IL17RC: variants seen among roughly 807,000 people sequenced by gnomAD.
IL17RC encodes the protein interleukin-17 receptor C.
A neutral mutation model predicts 86.7 loss-of-function variants in IL17RC; 53 were observed. That is an observed-to-expected ratio of 0.61 (90% confidence interval 0.49 to 0.77). The LOEUF (loss-of-function observed/expected upper bound fraction) is 0.77, where lower values mean the gene tolerates loss of function less well. IL17RC is among the 30% of genes least tolerant of loss of function. The probability of loss-of-function intolerance (pLI) is 0.00; values close to 1 mark genes in which losing one functional copy is unlikely to be tolerated. For synonymous variants in IL17RC, 439 were observed against 413.1 expected (o/e 1.06, Z -0.76); for missense variants, 957 against 940.0 (o/e 1.02, Z -0.24).
At chr3:9,924,710 T>C (rs1218861949) in intron 9 of IL17RC, among the ~76,000 whole-genome samples, 2 of 152,202 alleles carry the variant, frequency 1.3e-5, no homozygotes, top group Non-Finnish European at 2.9e-5. Flanking sequence ...ATCTGTAAAA[T>C]GGGAATAATA....
At position 9,930,333 on chromosome 3, in the gene IL17RC, G is replaced by T; in HGVS notation, c.1279-67G>T. Reference sequence around the variant, plus strand: ...CTCTACCTCATTCTACCCAGCTGTAGCCTGGTAGGTGCTGCCCTAAGGGTG... The same window carrying T: ...CTCTACCTCATTCTACCCAGCTGTATCCTGGTAGGTGCTGCCCTAAGGGTG... On this transcript the variant is annotated intron_variant, in intron 14 of 18. Transcript: ENST00000403601. This position sits in a 1 kb window ranked among gnomAD's most constrained non-coding sequence, Gnocchi z 5.8. The T allele has an allele frequency of 1.9e-6, 3 of 1,585,778 alleles. No individual in the cohort carries two copies. Among genetic ancestry groups the T allele is most frequent in the Non-Finnish European group, 2.6e-6 (3 of 1,155,638 alleles).
intron 16 of IL17RC, among the ~76,000 whole-genome samples, chr3:9,931,468 CACATAT>C (rs1230018849): frequency 5.6e-4 from 10 of 17,928 alleles, no homozygotes; most frequent in Non-Finnish European, 1.0e-3. Context: ...CACACACACA[CACATAT>C]ATATATATAT....
intron 9 of IL17RC, among the ~76,000 whole-genome samples, chr3:9,927,644 A>G (rs7627880): frequency 0.48 from 72,792 of 151,928 alleles, 18,006 homozygotes; most frequent in East Asian, 0.87. Flanking sequence ...GCACTCATTA[A>G]AAGTCTGTTG....
At chr3:9,927,639 C>T (rs2125242660) in intron 9 of IL17RC, among the ~76,000 whole-genome samples, 1 of 152,014 alleles carries the variant, frequency 6.6e-6, no homozygotes, top group Non-Finnish European at 1.5e-5. Context: ...GGTAGGCACT[C>T]ATTAAAAGTC....
Position 9,933,219 on chromosome 3 carries a change from G to A in IL17RC, c.1789G>A (p.Val597Met). The change falls in exon 19 of 19, where the codon GTG becomes ATG. Residue 597 changes from valine (V) to methionine (M), a missense_variant. Transcript: ENST00000403601. ...GTGCAGCGAGTGGCTACAGGATGGGGTGTCCGGGCCCGGGGCGCACGGCCC... is the reference window on the plus strand; with the variant it reads ...GTGCAGCGAGTGGCTACAGGATGGGATGTCCGGGCCCGGGGCGCACGGCCC... ...ALCSEWLQDG[V>M]SGPGAHGPHD... The A allele has an allele frequency of 6.2e-7, 1 of 1,607,636 alleles. No homozygotes were observed. The highest frequency in any genetic ancestry group is 8.5e-7 in the Non-Finnish European group (1 of 1,177,682).
Position 9,923,928 on chromosome 3 carries a change from G to C in IL17RC, c.670G>C (p.Val224Leu). 1 of 1,614,176 alleles carries C rather than the reference G, an allele frequency of 6.2e-7. No individual in the cohort carries two copies. Among genetic ancestry groups the C allele is most frequent in the African/African-American group, 1.3e-5 (1 of 75,042 alleles). ...VSADGDNVHL[V>L]LNVSEEQHFG... is the part of the protein sequence containing the mutation. ...AGCAGATGGTGACAACGTGCATCTG[G>C]TTCTGAATGTCTCTGAGGAGCAGCA... Residue 224 changes from valine to leucine, a missense_variant, in exon 8 of 19, where the codon GTT (valine) becomes CTT (leucine). By Grantham distance (32) the Val-to-Leu change is conservative. Coordinates refer to ENST00000403601, the MANE Select transcript of IL17RC (RefSeq NM_153460.4).
Position 9,930,274 on chromosome 3 carries a change from A to T in IL17RC, c.1278+125A>T, listed in dbSNP as rs868334189. ...ATGGGGGGTGACTCAGACCAGGGCC[A>T]TATTCAGCGGCATCACCAAAGTCTC... On this transcript the variant is annotated intron_variant, in intron 14 of 18. Coordinates refer to ENST00000403601, the MANE Select transcript of IL17RC (RefSeq NM_153460.4). This position sits in a 1 kb window ranked among gnomAD's most constrained non-coding sequence, Gnocchi z 5.8. 32 of 1,528,046 alleles carry T rather than the reference A, an allele frequency of 2.1e-5. No homozygotes were observed. The South Asian group carries it at 3.4e-4, about 16-fold the overall frequency. 94.7% of individuals were successfully genotyped at this position (1,528,046 alleles called of 1,614,324 possible). A position where few individuals can be genotyped will look rare whatever the true frequency, so the allele number is the denominator to read the frequency against.
intron 3 of IL17RC, 70 bp downstream of exon 3, chr3:9,918,145 G>C: frequency 6.7e-7 from 1 of 1,498,464 alleles, no homozygotes; most frequent in African/African-American, 1.4e-5. Context: ...GAGGGCCAGG[G>C]GATCTCTCAA....
At chr3:9,921,413 C>T (rs932223169) in intron 7 of IL17RC, among the ~76,000 whole-genome samples, 6 of 152,074 alleles carry the variant, frequency 3.9e-5, no homozygotes, top group African/African-American at 1.4e-4. Context: ...TGAGACTGCA[C>T]CATTGCACAC....
In IL17RC at chr3:9,920,559, G is replaced by T; in HGVS notation, c.534G>T (p.Gln178His). Residue 178 changes from glutamine to histidine, a missense_variant, in exon 6 of 19, where the codon CAG becomes CAT. Gln to His is a conservative substitution (Grantham distance 24, BLOSUM62 0). Transcript: ENST00000403601. Reference sequence around the variant, plus strand: ...AGGTACGAATCTGGTCCTATACTCAGCCCAGGTACGAGAAGGAACTCAACC... The same window carrying T: ...AGGTACGAATCTGGTCCTATACTCATCCCAGGTACGAGAAGGAACTCAACC... ...GSEVRIWSYT[Q>H]PRYEKELNHT... is the part of the protein sequence containing the mutation. The T allele has an allele frequency of 6.2e-7, 1 of 1,608,564 alleles. No homozygotes were observed. The highest frequency in any genetic ancestry group is 8.5e-7 in the Non-Finnish European group (1 of 1,176,978).
At chr3:9,918,175 G>C in intron 3 of IL17RC, 100 bp downstream of exon 3, 1 of 1,392,604 alleles carries the variant, frequency 7.2e-7, no homozygotes. Flanking sequence ...GGCATCCTCA[G>C]TGTTCTCCTG....
intron 16 of IL17RC, among the ~76,000 whole-genome samples, chr3:9,931,599 C>T (rs1469101909): frequency 1.6e-4 from 24 of 151,160 alleles, no homozygotes; most frequent in Admixed American, 6.6e-4. Flanking sequence ...CTCTGCCTCC[C>T]GGGTTCAAGC....
At chr3:9,922,538 G>A (rs541997973) in intron 7 of IL17RC, among the ~76,000 whole-genome samples, 2 of 152,230 alleles carry the variant, frequency 1.3e-5, no homozygotes, top group African/African-American at 2.4e-5. Context: ...TAATTTCTGT[G>A]TACCAGGCAA....
chr3:9,932,658 G>A lies in IL17RC; in HGVS notation c.1438G>A (p.Ala480Thr). ...LVWLACLLFA[A>T]ALSLILLLKK... The stretch of plus-strand genomic sequence containing the variant: ...GTGGCTGGCCTGCCTACTCTTTGCC[G>A]CTGCGCTTTCCCTCATCCTCCTTCT... Residue 480 changes from alanine (A) to threonine (T), a missense_variant, in exon 17 of 19, where the codon GCT becomes ACT. Transcript: ENST00000403601. The A allele has an allele frequency of 1.2e-6, 2 of 1,614,116 alleles. No homozygotes were observed. Among genetic ancestry groups the A allele is most frequent in the Non-Finnish European group, 1.7e-6 (2 of 1,180,026 alleles).
In IL17RC at chr3:9,929,862, C is replaced by G; in HGVS notation, c.1121C>G (p.Ser374Trp). Reference sequence around the variant, plus strand: ...GTCTCTTCCCAGCAGGTGAACAGCTCGGAGAAGCTGCAGCTGCAGGAGTGC... The same window carrying G: ...GTCTCTTCCCAGCAGGTGAACAGCTGGGAGAAGCTGCAGCTGCAGGAGTGC... Reference protein sequence around the residue: ...HPNLCVQVNSSEKLQLQECLW... With the variant: ...HPNLCVQVNSWEKLQLQECLW... The change falls in exon 13 of 19, where the codon TCG becomes TGG. Residue 374 changes from serine to tryptophan, a missense_variant. Ser to Trp is a radical substitution (Grantham distance 177, BLOSUM62 -3). Coordinates refer to ENST00000403601, the MANE Select transcript of IL17RC (RefSeq NM_153460.4). 4 of 1,614,104 alleles carry G rather than the reference C, an allele frequency of 2.5e-6. No individual in the cohort carries two copies. Among genetic ancestry groups the G allele is most frequent in the Non-Finnish European group, 3.4e-6 (4 of 1,180,016 alleles).
intron 9 of IL17RC, among the ~76,000 whole-genome samples, chr3:9,925,984 G>A (rs1386662774): frequency 6.8e-6 from 1 of 146,704 alleles, no homozygotes; most frequent in Non-Finnish European, 1.5e-5. Flanking sequence ...CTCAGCCTCT[G>A]CAGCTGGGAC....
intron 17 of IL17RC, 55 bp downstream of exon 17, chr3:9,932,758 A>T: frequency 6.2e-7 from 1 of 1,602,644 alleles, no homozygotes; most frequent in South Asian, 1.1e-5. Context: ...TGGCTGTGGG[A>T]GTTCTCCGAG....
intron 5 of IL17RC, 104 bp from the exon 6 acceptor site, chr3:9,920,387 G>C: frequency 1.4e-6 from 1 of 692,570 alleles, no homozygotes; most frequent in Non-Finnish European, 2.6e-6. Flanking sequence ...CATTAGTTGG[G>C]GGAGGAGGGC....
chr3:9,933,338 G>C lies in IL17RC; in HGVS notation c.1908G>C (p.Arg636Ser), dbSNP rs1452383164. 3 of 1,610,118 alleles carry C rather than the reference G, an allele frequency of 1.9e-6. No individual in the cohort carries two copies. The highest frequency in any genetic ancestry group is 2.5e-6 in the Non-Finnish European group (3 of 1,178,554). ...PGSYVGACFD[R>S]LLHPDAVPAL... Reference sequence around the variant, plus strand: ...GCTACGTGGGGGCCTGCTTCGACAGGCTGCTCCACCCGGACGCCGTACCCG... The same window carrying C: ...GCTACGTGGGGGCCTGCTTCGACAGCCTGCTCCACCCGGACGCCGTACCCG... The change falls in exon 19 of 19, where the codon AGG (arginine) becomes AGC (serine). Residue 636 changes from arginine (R) to serine (S), a missense_variant. Arg to Ser is a moderately radical substitution (Grantham distance 110). Transcript: ENST00000403601.
Sources: gnomAD v4.1 joint callset for allele counts (sites outside exome capture counted in the v4.1 genomes callset) on GRCh38, gnomAD v4.1.1 for gene constraint, Gnocchi (gnomAD v3.1) non-coding constraint, MANE v1.5 for transcripts, NCBI Gene and HGNC (gene_info 2026-07-23, HGNC 2026-07-21) for gene names.